The following PPP3CA variants were observed in gnomAD, a reference collection of about 807,000 sequenced individuals.
PPP3CA encodes the protein protein phosphatase 3 catalytic subunit alpha, also known as CAM-PRP catalytic subunit.
Under a neutral mutation model 66.5 loss-of-function variants are expected in PPP3CA, and 14 were observed. The ratio of observed to expected loss-of-function variants is 0.21; its 90% CI spans 0.14 to 0.33. The LOEUF (loss-of-function observed/expected upper bound fraction) is 0.33. Ranked by LOEUF, PPP3CA falls within the 10% of genes least tolerant of loss-of-function variation. The pLI, the probability that PPP3CA is intolerant of heterozygous loss-of-function variation, is 1.00. For missense variants in PPP3CA, 317 were observed against 639.5 expected, an observed-to-expected ratio of 0.50 and a Z score of 5.44; for synonymous variants, 232 against 226.2, an observed-to-expected ratio of 1.03 and a Z score of -0.23.
chr4:101,277,547 G>T (rs1727541502), intron 1 of PPP3CA, among the ~76,000 whole-genome samples: 1 of 152,058 alleles, frequency 6.6e-6, no homozygotes, highest in South Asian at 2.1e-4. Flanking sequence ...GTTTCTAATG[G>T]TTCTTGTCTC....
intron 6 of PPP3CA, among the ~76,000 whole-genome samples, chr4:101,088,329 T>C (rs996313244): frequency 2.6e-5 from 4 of 152,124 alleles, no homozygotes; most frequent in Non-Finnish European, 5.9e-5. Flanking sequence ...CTCACGCCTG[T>C]AATCCCAGCA....
chr4:101,217,901 C>T (rs903506709), intron 1 of PPP3CA, among the ~76,000 whole-genome samples: 6 of 152,068 alleles, frequency 3.9e-5, no homozygotes, highest in Admixed American at 2.0e-4. Context: ...AAACTGTGGA[C>T]CTTTTCTACA....
intron 1 of PPP3CA, chr4:101,240,997 G>A (rs1426826913): frequency 6.6e-6 from 1 of 152,004 alleles, no homozygotes; most frequent in Admixed American, 6.6e-5. Flanking sequence ...AGCCTCCTAA[G>A]TGGCTAGGAA....
intron 6 of PPP3CA, among the ~76,000 whole-genome samples, chr4:101,092,607 C>T (rs1237808882): frequency 1.3e-5 from 2 of 151,994 alleles, no homozygotes; most frequent in Non-Finnish European, 2.9e-5. Flanking sequence ...CCCTGACAGG[C>T]CCTGGTGTGT....
intron 1 of PPP3CA, among the ~76,000 whole-genome samples, chr4:101,284,384 C>A (rs1159454542): frequency 2.6e-5 from 4 of 151,512 alleles, no homozygotes; most frequent in Non-Finnish European, 5.9e-5. Flanking sequence ...TTGGAAAAAA[C>A]CTTAGGATAT....
chr4:101,343,473 A>G (rs985242843), intron 1 of PPP3CA, among the ~76,000 whole-genome samples: 1 of 152,138 alleles, frequency 6.6e-6, no homozygotes, highest in Non-Finnish European at 1.5e-5. Flanking sequence ...TTATTCTTCT[A>G]TTTATTGCCC....
At chr4:101,061,301 A>G (rs1008327333) in intron 9 of PPP3CA, 140 bp from the exon 10 acceptor site, 2 of 675,328 alleles carry the variant, frequency 3.0e-6, no homozygotes, top group Non-Finnish European at 5.2e-6. Context: ...GTAAACATCC[A>G]GATCATAAAA....
intron 2 of PPP3CA, among the ~76,000 whole-genome samples, chr4:101,144,471 T>C (rs760039409): frequency 3.3e-5 from 5 of 152,172 alleles, no homozygotes; most frequent in Non-Finnish European, 7.3e-5. Flanking sequence ...CCCCTTTTGG[T>C]CTCGGTAAGC....
intron 2 of PPP3CA, among the ~76,000 whole-genome samples, chr4:101,137,004 T>C (rs1480855326): frequency 6.6e-6 from 1 of 152,152 alleles, no homozygotes; most frequent in African/African-American, 2.4e-5. Flanking sequence ...TGACTAGTGT[T>C]TGACCAACAG....
rs75965886 is a variant in PPP3CA, at chr4:101,310,647, T to C, written c.58+36092A>G. Among the ~76,000 whole-genome samples the C allele has an allele frequency of 4.9e-3, 750 of 152,258 alleles. 5 individuals are homozygous for C. Among genetic ancestry groups the C allele is most frequent in the African/African-American group, 0.016 (673 of 41,546 alleles). On this transcript the variant is annotated intron_variant, in intron 1 of 13. Coordinates refer to ENST00000394854, the MANE Select transcript of PPP3CA (RefSeq NM_000944.5). ...ATGATCACGCCACTGCACTCCAGCC[T>C]AAGTGACAGAGAGAAACACTCTGAA...
chr4:101,067,455 C>T (rs891697824), intron 8 of PPP3CA, among the ~76,000 whole-genome samples: 11 of 151,864 alleles, frequency 7.2e-5, no homozygotes, highest in Non-Finnish European at 1.3e-4. Flanking sequence ...GCTCTGTCTA[C>T]CAAGCCATGT....
intron 1 of PPP3CA, among the ~76,000 whole-genome samples, chr4:101,212,324 A>G (rs1415267731): frequency 1.3e-5 from 2 of 152,164 alleles, no homozygotes; most frequent in Non-Finnish European, 2.9e-5. Context: ...ACATGGTTTG[A>G]GTTGGAAGCC....
Position 101,230,760 on chromosome 4 carries a change from G to A in PPP3CA, c.59-34644C>T, listed in dbSNP as rs186091819. Among the ~76,000 whole-genome samples the A allele has an allele frequency of 2.2e-3, 338 of 151,696 alleles. 2 individuals are homozygous for A. The highest frequency in any genetic ancestry group is 1.3e-3 in the Non-Finnish European group (89 of 67,764). ...ACATATTACTAGAATAGCACGCAAAGATTTTCACAAACAGAACCCAATCTG... is the reference window on the plus strand; with the variant it reads ...ACATATTACTAGAATAGCACGCAAAAATTTTCACAAACAGAACCCAATCTG... On this transcript the variant is annotated intron_variant, in intron 1 of 13. Coordinates refer to ENST00000394854, the MANE Select transcript of PPP3CA (RefSeq NM_000944.5).
intron 1 of PPP3CA, among the ~76,000 whole-genome samples, chr4:101,219,027 C>T (rs566044664): frequency 3.8e-4 from 58 of 152,094 alleles, no homozygotes; most frequent in African/African-American, 1.3e-3. Flanking sequence ...TGTTAAAGTG[C>T]CTATTATGTG....
At chr4:101,056,533 G>GT (rs1728231183) in intron 10 of PPP3CA, among the ~76,000 whole-genome samples, 1 of 152,158 alleles carries the variant, frequency 6.6e-6, no homozygotes, top group African/African-American at 2.4e-5. Flanking sequence ...GGACTGTAGA[G>GT]TAACTATTAT....
At position 101,046,826 on chromosome 4, in the gene PPP3CA, T is replaced by C. The variant is rs184949355; in HGVS notation, c.1157-6260A>G. On this transcript the variant is annotated intron_variant, in intron 10 of 13. Coordinates refer to ENST00000394854, the MANE Select transcript of PPP3CA (RefSeq NM_000944.5). ...TCTTGATGAAATGAAGCATAAGGTATTGAGATAATTAGTATCTTTTGTTGT... is the reference window on the plus strand; with the variant it reads ...TCTTGATGAAATGAAGCATAAGGTACTGAGATAATTAGTATCTTTTGTTGT... 3.0e-3 allele frequency among the ~76,000 whole-genome samples: 459 copies of C among 152,294 alleles called. 4 individuals carry two copies. The highest frequency in any genetic ancestry group is 0.01 in the African/African-American group (430 of 41,562).
chr4:101,262,022 A>G (rs968238359), intron 1 of PPP3CA, among the ~76,000 whole-genome samples: 6 of 152,146 alleles, frequency 3.9e-5, no homozygotes, highest in Non-Finnish European at 7.4e-5. Flanking sequence ...CAAAAAAAAT[A>G]CATTCAATGA....
intron 2 of PPP3CA, among the ~76,000 whole-genome samples, chr4:101,130,805 T>G (rs992177727): frequency 6.6e-6 from 1 of 152,114 alleles, no homozygotes; most frequent in African/African-American, 2.4e-5. Context: ...ATGTAAAGTC[T>G]ATCGATATTA....
chr4:101,062,742 T>G (rs1258290694), intron 9 of PPP3CA, among the ~76,000 whole-genome samples: 1 of 152,030 alleles, frequency 6.6e-6, no homozygotes, highest in Non-Finnish European at 1.5e-5. Context: ...TGAACTACTT[T>G]GCTGTTGTAC....
Sources: allele counts gnomAD v4.1 joint callset (sites outside exome capture counted in the v4.1 genomes callset), GRCh38; gene constraint gnomAD v4.1.1; transcripts MANE v1.5; gene names NCBI Gene and HGNC (gene_info 2026-07-23, HGNC 2026-07-21).